Variants in HDAC9 observed in about 807,000 individuals in gnomAD.
HDAC9 encodes the protein MEF-2 interacting transcription repressor (MITR) protein.
Under a neutral mutation model 139.4 loss-of-function variants are expected in HDAC9, and 41 were observed. The observed-to-expected ratio is 0.29, with a 90% CI of 0.23 to 0.38. The LOEUF is 0.38. HDAC9 is among the 10% of genes least tolerant of loss of function. The pLI is 1.00. For missense variants in HDAC9, 1,147 were observed against 1,297.0 expected (o/e 0.88, Z 1.78); for synonymous variants, 517 against 476.2 (o/e 1.09, Z -1.12).
rs1488355098 is a variant in HDAC9 at position 18,496,264 on chromosome 7, G to T, written c.-39G>T. On this transcript the variant is annotated splice_region_variant and 5_prime_UTR_variant, in exon 2 of 26. An upstream start codon of the reference 5' UTR is lost. Coordinates refer to ENST00000686413, the MANE Select transcript of HDAC9 (RefSeq NM_178425.4). ...GAGTGACTCCTGTTTTTCCTCAGAT[G>T]GGGTGGCTGGACGAGAGCAGCTCTT... 1.2e-6 allele frequency: 2 copies of T among 1,613,084 alleles called. No homozygotes were observed. Among genetic ancestry groups the T allele is most frequent in the Admixed American group, 3.3e-5 (2 of 59,872 alleles).
chr7:18,383,654 CT>C (rs1785641363), intron 1 of HDAC9, among the ~76,000 whole-genome samples: 1 of 151,574 alleles, frequency 6.6e-6, no homozygotes, highest in Non-Finnish European at 1.5e-5. Context: ...TTAAAGAAAG[CT>C]TTTTTAGCAT....
chr7:18,772,417 A>G (rs909227736), intron 16 of HDAC9, among the ~76,000 whole-genome samples: 1 of 152,012 alleles, frequency 6.6e-6, no homozygotes, highest in Non-Finnish European at 1.5e-5. Context: ...CTCTTTCTTC[A>G]TATGTTATTT....
chr7:18,121,379 G>C (rs919681819), intron 1 of HDAC9, among the ~76,000 whole-genome samples: 3 of 147,056 alleles, frequency 2.0e-5, no homozygotes, highest in Middle Eastern at 6.8e-3. Context: ...CTGGAGACTT[G>C]TGGCAGCAGC....
chr7:18,731,254 T>G (rs1449519893), intron 13 of HDAC9, among the ~76,000 whole-genome samples: 1 of 152,184 alleles, frequency 6.6e-6, no homozygotes. Context: ...TGTATTTTTT[T>G]TTTAAAATAA....
intron 1 of HDAC9, among the ~76,000 whole-genome samples, chr7:18,108,883 G>A (rs1186300753): frequency 6.6e-6 from 1 of 152,068 alleles, no homozygotes; most frequent in Non-Finnish European, 1.5e-5. Context: ...GCCTCCCAAA[G>A]TGTTGGATTA....
At position 18,825,655 on chromosome 7, in the gene HDAC9, A is replaced by C. The variant is rs375734440; in HGVS notation, c.2323-3506A>C. Among the ~76,000 whole-genome samples, 32 of 151,512 alleles carry C rather than the reference A, an allele frequency of 2.1e-4. 1 individual carries two copies. The South Asian group carries it at 6.4e-3, about 31-fold the overall frequency. On this transcript the variant is annotated intron_variant, in intron 17 of 25. Coordinates refer to ENST00000686413, the MANE Select transcript of HDAC9 (RefSeq NM_178425.4). ...TGACTATTAAAAGGAGAAGAAGAAA[A>C]ACGTGGGAGCTGGAGGGATTGATGG...
At chr7:18,432,775 G>T (rs189364983) in intron 1 of HDAC9, among the ~76,000 whole-genome samples, 1 of 151,970 alleles carries the variant, frequency 6.6e-6, no homozygotes, top group Non-Finnish European at 1.5e-5. Context: ...GTGAAACCCC[G>T]TCTCTACTAA....
chr7:18,798,741 A>G (rs6973675), intron 17 of HDAC9, among the ~76,000 whole-genome samples: 2,707 of 152,246 alleles, frequency 0.018, 81 homozygotes, highest in African/African-American at 0.062. Context: ...ACTCAACTTT[A>G]TGGCTGCTTG....
Position 18,960,009 on chromosome 7 carries a change from A to AACACACACACACACACAC in HDAC9, c.3022+5795_3022+5812dup, listed in dbSNP as rs58030908. ...GTATAGCTAATCCTCTGTTGTTTTA[A>AACACACACACACACACAC]ACACACACACACACACACACACACA... On this transcript the variant is annotated intron_variant, in intron 24 of 25. Coordinates refer to ENST00000686413, the MANE Select transcript of HDAC9 (RefSeq NM_178425.4). Among the ~76,000 whole-genome samples, 263 of 149,016 alleles carry AACACACACACACACACAC rather than the reference A, an allele frequency of 1.8e-3. 1 individual carries two copies. The highest frequency in any genetic ancestry group is 6.3e-3 in the African/African-American group (253 of 40,376).
intron 25 of HDAC9, among the ~76,000 whole-genome samples, chr7:18,980,601 G>A (rs1046248155): frequency 6.6e-6 from 1 of 151,950 alleles, no homozygotes; most frequent in East Asian, 1.9e-4. Context: ...CTTGATAAAG[G>A]TTTATTATTT....
chr7:18,530,864 T>C (rs1286241972), intron 2 of HDAC9, among the ~76,000 whole-genome samples: 7 of 151,056 alleles, frequency 4.6e-5, no homozygotes, highest in African/African-American at 1.7e-4. Flanking sequence ...AATTTAAATA[T>C]AGATACATAG....
At chr7:18,349,811 T>C (rs1003552181) in intron 1 of HDAC9, among the ~76,000 whole-genome samples, 9 of 152,174 alleles carry the variant, frequency 5.9e-5, no homozygotes, top group African/African-American at 2.2e-4. Flanking sequence ...TAAAAGGTTT[T>C]TGGAAAGATC....
chr7:18,892,179 A>G (rs947517994), intron 22 of HDAC9: 1 of 152,218 alleles, frequency 6.6e-6, no homozygotes. Context: ...ATCTATTTGA[A>G]GAATTGATGT....
At chr7:18,556,800 A>T (rs1004344168) in intron 2 of HDAC9, among the ~76,000 whole-genome samples, 30 of 152,036 alleles carry the variant, frequency 2.0e-4, no homozygotes, top group African/African-American at 5.8e-4. Context: ...TCCTTGGAAA[A>T]CTAAATGGAT....
chr7:18,973,047 G>C (rs963614606), intron 24 of HDAC9, among the ~76,000 whole-genome samples: 5 of 152,178 alleles, frequency 3.3e-5, no homozygotes, highest in African/African-American at 1.2e-4. Flanking sequence ...CAGAGGAAGA[G>C]GCAATTTAAA....
chr7:18,370,046 A>G (rs142542377), intron 1 of HDAC9, among the ~76,000 whole-genome samples: 1 of 152,300 alleles, frequency 6.6e-6, no homozygotes, highest in East Asian at 1.9e-4. Context: ...GTAACTACAA[A>G]CAGAACTTGT....
chr7:18,832,892 T>TA (rs1033060825), intron 19 of HDAC9, among the ~76,000 whole-genome samples: 7 of 152,034 alleles, frequency 4.6e-5, no homozygotes, highest in Non-Finnish European at 7.4e-5. Context: ...TGCGCCACCA[T>TA]ACCCAGCTAA....
In HDAC9 at chr7:18,668,251, T is replaced by C. The variant is rs1017982065; in HGVS notation, c.1731+1775T>C. 8.4e-5 allele frequency: 79 copies of C among 945,588 alleles called. No individual in the cohort carries two copies. The African/African-American group carries it at 1.3e-3, about 16-fold the overall frequency. 58.6% of individuals were successfully genotyped at this position (945,588 alleles called of 1,614,324 possible). ...AAAGTCCTTCTGATAATTTGACAAA[T>C]AGCTATAATAGGAACACTCCCTATC... is the stretch of plus-strand genomic sequence containing the variant. On this transcript the variant is annotated intron_variant, in intron 12 of 25. Coordinates refer to ENST00000686413, the MANE Select transcript of HDAC9 (RefSeq NM_178425.4).
intron 1 of HDAC9, among the ~76,000 whole-genome samples, chr7:18,114,605 G>C (rs774908668): frequency 6.6e-6 from 1 of 152,128 alleles, no homozygotes; most frequent in Non-Finnish European, 1.5e-5. Flanking sequence ...AATTCCTTCT[G>C]GCGGAGAGGA....
Sources: allele counts gnomAD v4.1 joint callset (sites outside exome capture counted in the v4.1 genomes callset), GRCh38; gene constraint gnomAD v4.1.1; transcripts MANE v1.5; gene names NCBI Gene and HGNC (gene_info 2026-07-23, HGNC 2026-07-21).